The following UBQLN1 variants were observed in gnomAD, a reference collection of about 807,000 sequenced individuals.
The protein encoded by UBQLN1 is ubiquilin 1.
A neutral mutation model predicts 65.4 loss-of-function variants in UBQLN1; 13 were observed. The ratio of observed to expected loss-of-function variants is 0.20; its 90% CI spans 0.13 to 0.32. UBQLN1 has a LOEUF of 0.32. UBQLN1 is among the 10% of genes least tolerant of loss of function. The pLI, the probability that UBQLN1 is intolerant of heterozygous loss-of-function variation, is 1.00. For synonymous variants in UBQLN1, 267 were observed against 247.8 expected, an observed-to-expected ratio of 1.08 and a Z score of -0.73; for missense variants, 561 against 724.0, an observed-to-expected ratio of 0.77 and a Z score of 2.58.
chr9:83,704,556 G>A (rs1382067865), intron 1 of UBQLN1, among the ~76,000 whole-genome samples: 1 of 152,168 alleles, frequency 6.6e-6, no homozygotes, highest in African/African-American at 2.4e-5. Flanking sequence ...CGGGTGCCCG[G>A]TGGTTCACAC....
chr9:83,704,682 G>A (rs188159355), intron 1 of UBQLN1, among the ~76,000 whole-genome samples: 73 of 152,050 alleles, frequency 4.8e-4, no homozygotes, highest in African/African-American at 1.5e-3. Flanking sequence ...AAAATTAGCC[G>A]GGTGTGGTGT....
Position 83,686,204 on chromosome 9 carries a change from A to G in UBQLN1, c.181-49T>C, listed in dbSNP as rs139315739. On this transcript the variant is annotated intron_variant, in intron 1 of 10. Coordinates refer to ENST00000376395, the MANE Select transcript of UBQLN1 (RefSeq NM_013438.5). Reference sequence around the variant, plus strand: ...GTATTACAGTTGTTTGCACAGCACCATACAGTCTAGTTTCTACAGGTACCT... The same window carrying G: ...GTATTACAGTTGTTTGCACAGCACCGTACAGTCTAGTTTCTACAGGTACCT... 5.8e-4 allele frequency: 751 copies of G among 1,300,424 alleles called. 17 individuals are homozygous for G. The East Asian group carries it at 0.016, about 28-fold the overall frequency. The allele number at this position is 1,300,424 out of a possible 1,614,324, so 80.6% of individuals were successfully genotyped here.
At chr9:83,674,367 C>G (rs1386408111) in intron 6 of UBQLN1, among the ~76,000 whole-genome samples, 1 of 152,104 alleles carries the variant, frequency 6.6e-6, no homozygotes, top group African/African-American at 2.4e-5. Context: ...CACTGCCGGA[C>G]CAACCACTCA....
At chr9:83,667,458 G>C (rs1456726247) in intron 7 of UBQLN1, 1 of 979,980 alleles carries the variant, frequency 1.0e-6, no homozygotes, top group East Asian at 1.1e-4. Context: ...CTTGCAAAGT[G>C]ATCTTTTAGT....
intron 1 of UBQLN1, among the ~76,000 whole-genome samples, chr9:83,703,000 A>G (rs1209941675): frequency 6.6e-6 from 1 of 152,206 alleles, no homozygotes. Context: ...ACAGTCTATG[A>G]AATCCCAGAA....
At chr9:83,707,360 G>C (rs1265132213) in intron 1 of UBQLN1, 140 bp downstream of exon 1, 1 of 936,864 alleles carries the variant, frequency 1.1e-6, no homozygotes, top group African/African-American at 1.8e-5. Context: ...ACGAACTTGG[G>C]TGTGATCTAA....
chr9:83,666,473 C>A (rs372439267), intron 7 of UBQLN1, 40 bp from the exon 8 acceptor site: 1 of 1,592,722 alleles, frequency 6.3e-7, no homozygotes, highest in African/African-American at 1.3e-5. Context: ...CTGGAAATAT[C>A]TGAAACAAGT....
rs1179131385 is a variant in UBQLN1, at chr9:83,680,183, A to G, written c.449-146T>C. 9 of 904,226 alleles carry G rather than the reference A, an allele frequency of 1.0e-5. No homozygotes were observed. The African/African-American group carries it at 1.5e-4, about 15-fold the overall frequency. 56.0% of individuals were successfully genotyped at this position (904,226 alleles called of 1,614,324 possible). ...TTTAAAAACAAATCGAATACCTATTACTAATATTTAATTCCTATCATTGAA... is the reference window on the plus strand; with the variant it reads ...TTTAAAAACAAATCGAATACCTATTGCTAATATTTAATTCCTATCATTGAA... On this transcript the variant is annotated intron_variant, in intron 3 of 10. Coordinates refer to ENST00000376395, the MANE Select transcript of UBQLN1 (RefSeq NM_013438.5).
intron 1 of UBQLN1, among the ~76,000 whole-genome samples, chr9:83,706,859 T>A (rs1048726598): frequency 3.3e-5 from 5 of 152,154 alleles, no homozygotes; most frequent in African/African-American, 1.2e-4. Flanking sequence ...GAGCAAGTCA[T>A]CAGTGAAAGA....
chr9:83,663,295 C>T (rs981467924), intron 10 of UBQLN1, among the ~76,000 whole-genome samples: 1 of 152,062 alleles, frequency 6.6e-6, no homozygotes, highest in Non-Finnish European at 1.5e-5. Flanking sequence ...TTTAAACTGG[C>T]GATCATCTTT....
chr9:83,667,705 C>A, intron 7 of UBQLN1: 1 of 984,428 alleles, frequency 1.0e-6, no homozygotes, highest in Non-Finnish European at 1.2e-6. Flanking sequence ...TAAACGTATC[C>A]TTTCACAGAT....
chr9:83,685,968 C>A (rs1165261572), intron 2 of UBQLN1, 36 bp downstream of exon 2: 1 of 1,550,738 alleles, frequency 6.4e-7, no homozygotes, highest in African/African-American at 1.4e-5. Flanking sequence ...AACATTTATC[C>A]ACAATTTTAA....
At chr9:83,668,421 G>C (rs909986619) in intron 7 of UBQLN1, 1 of 985,326 alleles carries the variant, frequency 1.0e-6, no homozygotes. Context: ...GATTATCAAG[G>C]TTTATTTCAC....
rs1832424139 is a variant in UBQLN1, at chr9:83,707,157, A to C, written c.180+343T>G. 2.0e-5 allele frequency among the ~76,000 whole-genome samples: 3 copies of C among 152,164 alleles called. No individual in the cohort carries two copies. The South Asian group carries it at 6.2e-4, about 32-fold the overall frequency. ...CCCGCCCAGCCTCCACCCCGCCCGG[A>C]GGCTGGCGGTGGGTCCCTTTCCTTT... On this transcript the variant is annotated intron_variant, in intron 1 of 10. Coordinates refer to ENST00000376395, the MANE Select transcript of UBQLN1 (RefSeq NM_013438.5).
Position 83,678,373 on chromosome 9 carries a change from A to G in UBQLN1, c.870+68T>C, listed in dbSNP as rs1831878582. The G allele has an allele frequency of 2.6e-6, 4 of 1,510,252 alleles. No individual in the cohort carries two copies. In the Admixed American group the frequency reaches 8.9e-5, roughly 34 times the overall value. The allele number at this position is 1,510,252 out of a possible 1,614,324, so 93.6% of individuals were successfully genotyped here. On this transcript the variant is annotated intron_variant, in intron 5 of 10. Transcript: ENST00000376395. Reference sequence around the variant, plus strand: ...CATTCCTCATATAAAAGCTACCCTCAATCATACACATATTTGTGTTAAAAC... The same window carrying G: ...CATTCCTCATATAAAAGCTACCCTCGATCATACACATATTTGTGTTAAAAC...
At chr9:83,704,555 G>A (rs772035273) in intron 1 of UBQLN1, among the ~76,000 whole-genome samples, 4 of 152,142 alleles carry the variant, frequency 2.6e-5, no homozygotes, top group African/African-American at 7.2e-5. Flanking sequence ...CCGGGTGCCC[G>A]GTGGTTCACA....
In UBQLN1 at chr9:83,707,762, G is replaced by A. The variant is rs1358425250; in HGVS notation, c.-83C>T. ...GGAGGAGCCAGCAGACACCAGAGCC[G>A]GCAGGCCTGGACAGCGAAGAATGCA... On this transcript the variant is annotated 5_prime_UTR_variant, in exon 1 of 11. Transcript: ENST00000376395. 3 of 1,467,838 alleles carry A rather than the reference G, an allele frequency of 2.0e-6. No individual in the cohort carries two copies. Among genetic ancestry groups the A allele is most frequent in the Non-Finnish European group, 2.7e-6 (3 of 1,119,132 alleles). The allele number at this position is 1,467,838 out of a possible 1,614,324, so 90.9% of individuals were successfully genotyped here.
chr9:83,689,944 AC>A (rs1291412443), intron 1 of UBQLN1, among the ~76,000 whole-genome samples: 3 of 152,272 alleles, frequency 2.0e-5, no homozygotes, highest in African/African-American at 7.2e-5. Flanking sequence ...AAAACCAGTA[AC>A]AAATGCACTG....
intron 1 of UBQLN1, among the ~76,000 whole-genome samples, chr9:83,701,479 G>A (rs544585242): frequency 5.5e-4 from 83 of 152,058 alleles, no homozygotes; most frequent in African/African-American, 1.9e-3. Flanking sequence ...CCCTTAACAG[G>A]GTATGGGGAC....
Sources: gnomAD v4.1 joint callset for allele counts (sites outside exome capture counted in the v4.1 genomes callset) on GRCh38, gnomAD v4.1.1 for gene constraint, MANE v1.5 for transcripts, NCBI Gene and HGNC (gene_info 2026-07-23, HGNC 2026-07-21) for gene names.